PTPN4: variants seen among roughly 807,000 people sequenced by gnomAD.
The protein encoded by PTPN4 is tyrosine-protein phosphatase non-receptor type 4.
PTPN4 carries 49 observed loss-of-function variants against 135.5 expected under a neutral mutation model. The ratio of observed to expected loss-of-function variants is 0.36; its 90% CI spans 0.29 to 0.46. The LOEUF (loss-of-function observed/expected upper bound fraction) is 0.46. Ranked by LOEUF, PTPN4 falls within the 20% of genes least tolerant of loss-of-function variation. PTPN4 has a pLI of 1.00. For missense variants in PTPN4, 860 were observed against 1,101.0 expected (o/e 0.78, Z 3.10); for synonymous variants, 333 against 369.9 (o/e 0.90, Z 1.14).
intron 2 of PTPN4, among the ~76,000 whole-genome samples, chr2:119,851,120 C>T (rs1180589949): frequency 6.6e-6 from 1 of 152,162 alleles, no homozygotes; most frequent in Admixed American, 6.5e-5. Flanking sequence ...TCTTAATTCT[C>T]ATCTAAATGA....
chr2:119,815,459 A>G (rs770531824), intron 2 of PTPN4, among the ~76,000 whole-genome samples: 1 of 152,154 alleles, frequency 6.6e-6, no homozygotes, highest in Non-Finnish European at 1.5e-5. Context: ...CAAAATAGCA[A>G]TTTACTAATT....
intron 1 of PTPN4, among the ~76,000 whole-genome samples, chr2:119,782,810 A>G (rs1429036526): frequency 2.1e-5 from 3 of 141,946 alleles, no homozygotes; most frequent in Non-Finnish European, 4.5e-5. Context: ...GGCTCAAGCT[A>G]TCCTCTCACC....
At chr2:119,921,101 T>A (rs1678730808) in intron 12 of PTPN4, among the ~76,000 whole-genome samples, 1 of 151,932 alleles carries the variant, frequency 6.6e-6, no homozygotes, top group East Asian at 1.9e-4. Context: ...GCCAACATGG[T>A]GAAACCCCGT....
intron 1 of PTPN4, among the ~76,000 whole-genome samples, chr2:119,806,980 G>T (rs138651336): frequency 3.9e-5 from 6 of 152,120 alleles, no homozygotes; most frequent in African/African-American, 1.4e-4. Context: ...GAATGACTAC[G>T]GGGTAAATAA....
At chr2:119,863,588 A>G (rs773394981) in intron 3 of PTPN4, among the ~76,000 whole-genome samples, 2 of 152,078 alleles carry the variant, frequency 1.3e-5, no homozygotes, top group Non-Finnish European at 2.9e-5. Flanking sequence ...CCTCTCTCTC[A>G]TGGTTGGGAT....
chr2:119,924,953 CAAG>C (rs958818765), intron 12 of PTPN4, among the ~76,000 whole-genome samples: 3 of 152,088 alleles, frequency 2.0e-5, no homozygotes. Flanking sequence ...GAGAAAAAAA[CAAG>C]AAGAAGGGGT....
intron 9 of PTPN4, among the ~76,000 whole-genome samples, chr2:119,889,940 G>A (rs939003719): frequency 2.6e-5 from 4 of 152,124 alleles, no homozygotes; most frequent in Non-Finnish European, 4.4e-5. Flanking sequence ...CCAAACATAT[G>A]GCCTATCTTG....
chr2:119,826,978 T>A (rs1185198174), intron 2 of PTPN4, among the ~76,000 whole-genome samples: 1 of 152,200 alleles, frequency 6.6e-6, no homozygotes. Flanking sequence ...CAGTGAACTG[T>A]GATTGTGTCC....
At chr2:119,884,551 A>T (rs1172414413) in intron 8 of PTPN4, among the ~76,000 whole-genome samples, 2 of 152,212 alleles carry the variant, frequency 1.3e-5, no homozygotes, top group Admixed American at 1.3e-4. Flanking sequence ...GGGCTATTTT[A>T]ATCTAAGTAA....
chr2:119,913,994 T>G (rs1403633418), intron 10 of PTPN4, among the ~76,000 whole-genome samples: 2 of 152,070 alleles, frequency 1.3e-5, no homozygotes, highest in African/African-American at 4.8e-5. Context: ...TATAAGAAAA[T>G]AAAAGTTATA....
intron 15 of PTPN4, among the ~76,000 whole-genome samples, chr2:119,935,859 A>T (rs1180987534): frequency 6.6e-6 from 1 of 152,230 alleles, no homozygotes; most frequent in East Asian, 1.9e-4. Context: ...TGACATAAAA[A>T]TGAATCATAT....
chr2:119,914,130 A>G (rs1678613482), intron 10 of PTPN4, among the ~76,000 whole-genome samples: 1 of 151,908 alleles, frequency 6.6e-6, no homozygotes, highest in African/African-American at 2.4e-5. Flanking sequence ...TCTCTTGATC[A>G]TTTAGAAATG....
chr2:119,807,520 A>G (rs1691495540), intron 1 of PTPN4, among the ~76,000 whole-genome samples: 1 of 152,180 alleles, frequency 6.6e-6, no homozygotes, highest in Non-Finnish European at 1.5e-5. Flanking sequence ...CCAAGACTAA[A>G]CCAGGAAGAA....
rs1016337409 is a variant in PTPN4 at position 119,843,222 on chromosome 2, T to C, written c.139-19314T>C. On this transcript the variant is annotated intron_variant, in intron 2 of 26. Coordinates refer to ENST00000263708, the MANE Select transcript of PTPN4 (RefSeq NM_002830.4). ...CAAGAATTGGTATGCATTTTTCTTT[T>C]TTTTTTTTTTTTTTTTGCACCGCCC... is the stretch of plus-strand genomic sequence containing the variant. Among the ~76,000 whole-genome samples, 36 of 141,824 alleles carry C rather than the reference T, an allele frequency of 2.5e-4. 1 individual carries two copies. Among genetic ancestry groups the C allele is most frequent in the South Asian group, 4.4e-4 (2 of 4,588 alleles). The allele number at this position is 141,824 out of a possible 152,430, so 93.0% of individuals were successfully genotyped here.
intron 1 of PTPN4, among the ~76,000 whole-genome samples, chr2:119,773,835 T>C (rs1216280037): frequency 6.6e-6 from 1 of 151,826 alleles, no homozygotes; most frequent in Non-Finnish European, 1.5e-5. Flanking sequence ...CCATAAAATA[T>C]ACACAAATCT....
intron 25 of PTPN4, among the ~76,000 whole-genome samples, chr2:119,967,427 C>T (rs371107949): frequency 2.0e-5 from 3 of 150,924 alleles, no homozygotes; most frequent in South Asian, 2.1e-4. Flanking sequence ...CCAGCCTGGG[C>T]GTGAGCGAGA....
intron 12 of PTPN4, 31 bp from the exon 13 acceptor site, chr2:119,926,567 C>T (rs1558766243): frequency 6.8e-7 from 1 of 1,473,172 alleles, no homozygotes; most frequent in Non-Finnish European, 9.3e-7. Flanking sequence ...TCTCTTAAGA[C>T]TTTATTGTTG....
intron 1 of PTPN4, among the ~76,000 whole-genome samples, chr2:119,764,345 C>T (rs1564432): frequency 0.99 from 150,738 of 152,326 alleles, 74,607 homozygotes; most frequent in Middle Eastern, 1. Context: ...TCAAATTAAT[C>T]CCAAATTTAC....
chr2:119,807,958 G>A (rs570641181), intron 1 of PTPN4, among the ~76,000 whole-genome samples: 1 of 152,280 alleles, frequency 6.6e-6, no homozygotes, highest in East Asian at 1.9e-4. Context: ...CAGCTAAACA[G>A]AAGCAATGAC....
Sources: gnomAD v4.1 joint callset for allele counts (sites outside exome capture counted in the v4.1 genomes callset) on GRCh38, gnomAD v4.1.1 for gene constraint, MANE v1.5 for transcripts, NCBI Gene and HGNC (gene_info 2026-07-23, HGNC 2026-07-21) for gene names.